RGS7: variants seen among roughly 807,000 people sequenced by gnomAD.
RGS7 encodes regulator of G-protein signaling 7.
In RGS7, 27 loss-of-function variants were observed where a neutral mutation model predicts 81.1. The observed-to-expected ratio is 0.33, with a 90% CI of 0.25 to 0.46. The LOEUF is 0.46. RGS7 is among the 20% of genes least tolerant of loss of function. The pLI is 1.00. For synonymous variants in RGS7, 208 were observed against 207.7 expected (o/e 1.00, Z -0.01); for missense variants, 396 against 607.4 (o/e 0.65, Z 3.66).
intron 4 of RGS7, among the ~76,000 whole-genome samples, chr1:240,962,368 C>G (rs996694887): frequency 1.3e-5 from 2 of 152,158 alleles, no homozygotes; most frequent in Non-Finnish European, 2.9e-5. Flanking sequence ...TTAAAAGTCT[C>G]TTAAAAATCT....
At chr1:241,259,572 C>A (rs1374373000) in intron 2 of RGS7, among the ~76,000 whole-genome samples, 1 of 147,422 alleles carries the variant, frequency 6.8e-6, no homozygotes, top group Non-Finnish European at 1.5e-5. Context: ...ATCACTAGAA[C>A]CTGGGAGATG....
intron 11 of RGS7, among the ~76,000 whole-genome samples, chr1:240,815,193 T>C (rs927180930): frequency 6.6e-6 from 1 of 151,848 alleles, no homozygotes; most frequent in Non-Finnish European, 1.5e-5. Flanking sequence ...ATACAAAAAG[T>C]AGCCAGGTGT....
At chr1:241,260,098 C>G (rs147491670) in intron 2 of RGS7, among the ~76,000 whole-genome samples, 79 of 152,326 alleles carry the variant, frequency 5.2e-4, no homozygotes, top group African/African-American at 1.9e-3. Context: ...ATTCTTACTG[C>G]TTCGTCTCAG....
At chr1:241,281,399 C>T (rs1397030414) in intron 2 of RGS7, among the ~76,000 whole-genome samples, 4 of 152,196 alleles carry the variant, frequency 2.6e-5, no homozygotes, top group East Asian at 3.9e-4. Flanking sequence ...ACAGCCAGTT[C>T]GTCTCTCCAG....
At chr1:241,237,337 G>A (rs901586171) in intron 2 of RGS7, among the ~76,000 whole-genome samples, 8 of 152,144 alleles carry the variant, frequency 5.3e-5, no homozygotes, top group Admixed American at 2.6e-4. Context: ...TCAGATGAAT[G>A]ATCATAAAAA....
rs2077892341 is a variant in RGS7, at chr1:241,271,470, T to C, written c.78+84229A>G. On this transcript the variant is annotated intron_variant, in intron 2 of 18. Coordinates refer to ENST00000440928, the MANE Select transcript of RGS7 (RefSeq NM_001364886.1). The surrounding 1 kb of genome is among the most constrained non-coding windows in gnomAD (Gnocchi z 4.6). The stretch of plus-strand genomic sequence containing the variant: ...CAGTGGCCTCCCATAGCAGGATTCC[T>C]CCAACACTTCTGTGACGGTTCATTT... Among the ~76,000 whole-genome samples, 1 of 152,230 alleles carries C rather than the reference T, an allele frequency of 6.6e-6. No homozygotes were observed. The highest frequency in any genetic ancestry group is 1.5e-5 in the Non-Finnish European group (1 of 68,036).
At chr1:241,275,982 C>A (rs979028147) in intron 2 of RGS7, among the ~76,000 whole-genome samples, 1 of 152,236 alleles carries the variant, frequency 6.6e-6, no homozygotes, top group Non-Finnish European at 1.5e-5. Flanking sequence ...GTACCTTATA[C>A]AGGCTTGCGT....
chr1:241,170,103 C>T (rs1035746116), intron 2 of RGS7, among the ~76,000 whole-genome samples: 2 of 152,080 alleles, frequency 1.3e-5, no homozygotes, highest in African/African-American at 2.4e-5. Flanking sequence ...CTAACAGAGA[C>T]AGCAGCAATC....
At chr1:240,817,019 T>C (rs1027570067) in intron 10 of RGS7, among the ~76,000 whole-genome samples, 5 of 152,196 alleles carry the variant, frequency 3.3e-5, no homozygotes, top group East Asian at 1.9e-4. Flanking sequence ...AGAGGCGTCA[T>C]GCATCTTCGG....
chr1:241,209,852 T>C (rs1190941189), intron 2 of RGS7, among the ~76,000 whole-genome samples: 5 of 151,824 alleles, frequency 3.3e-5, no homozygotes, highest in African/African-American at 7.3e-5. Context: ...TATAAAATAA[T>C]AAAATAAAGA....
chr1:241,325,839 T>C (rs1036971359), intron 2 of RGS7, among the ~76,000 whole-genome samples: 5 of 152,130 alleles, frequency 3.3e-5, no homozygotes, highest in African/African-American at 1.2e-4. Context: ...TAGAATAAAA[T>C]ATCTGTAAGT....
chr1:240,926,038 C>G (rs1385567015), intron 6 of RGS7, among the ~76,000 whole-genome samples: 1 of 152,116 alleles, frequency 6.6e-6, no homozygotes, highest in Non-Finnish European at 1.5e-5. Context: ...TTGTCAGATG[C>G]ATAGTTTGCA....
intron 3 of RGS7, among the ~76,000 whole-genome samples, chr1:241,061,853 G>GC (rs1424610589): frequency 6.6e-6 from 1 of 152,124 alleles, no homozygotes; most frequent in Non-Finnish European, 1.5e-5. Context: ...TATTACATCT[G>GC]CCCCATTGAA....
At chr1:240,798,211 G>T (rs58384648) in intron 18 of RGS7, among the ~76,000 whole-genome samples, 6,306 of 152,070 alleles carry the variant, frequency 0.041, 137 homozygotes, top group East Asian at 0.11. Context: ...TATATTTTTT[G>T]GAAAATTGAA....
intron 2 of RGS7, among the ~76,000 whole-genome samples, chr1:241,259,784 C>T (rs777009885): frequency 6.6e-6 from 1 of 151,218 alleles, no homozygotes; most frequent in Non-Finnish European, 1.5e-5. Flanking sequence ...GTGCCACCTG[C>T]ATCTGTCACT....
chr1:241,218,358 C>A (rs1239428885), intron 2 of RGS7, among the ~76,000 whole-genome samples: 1 of 152,210 alleles, frequency 6.6e-6, no homozygotes, highest in African/African-American at 2.4e-5. Flanking sequence ...GCTGAAAGCA[C>A]TTCACATCCA....
chr1:241,268,476 T>C (rs2077707497), intron 2 of RGS7, among the ~76,000 whole-genome samples: 1 of 152,176 alleles, frequency 6.6e-6, no homozygotes, highest in African/African-American at 2.4e-5. Flanking sequence ...GGGCCAATGT[T>C]CCCTGGGGTG....
intron 6 of RGS7, among the ~76,000 whole-genome samples, chr1:240,894,851 T>C (rs1233602394): frequency 6.6e-6 from 1 of 152,212 alleles, no homozygotes; most frequent in Non-Finnish European, 1.5e-5. Context: ...GGGAATTCCA[T>C]GTGCAATGGA....
intron 2 of RGS7, among the ~76,000 whole-genome samples, chr1:241,327,941 C>T (rs762010067): frequency 1.3e-4 from 20 of 151,884 alleles, no homozygotes; most frequent in Non-Finnish European, 2.4e-4. Flanking sequence ...AATAAAGTAA[C>T]CATATTTTCA....
Sources: gnomAD v4.1 joint callset for allele counts (sites outside exome capture counted in the v4.1 genomes callset) on GRCh38, gnomAD v4.1.1 for gene constraint, Gnocchi (gnomAD v3.1) non-coding constraint, MANE v1.5 for transcripts, NCBI Gene and HGNC (gene_info 2026-07-23, HGNC 2026-07-21) for gene names.